ABCA13: variants seen among roughly 807,000 people sequenced by gnomAD.
ABCA13 encodes the protein ATP-binding cassette sub-family A member 13.
Under a neutral mutation model 478.7 loss-of-function variants are expected in ABCA13, and 476 were observed. That is an observed-to-expected ratio of 0.99 (90% CI 0.92 to 1.07). The LOEUF (loss-of-function observed/expected upper bound fraction) is 1.07. Ranked by LOEUF, ABCA13 falls within the 50% of genes least tolerant of loss-of-function variation. ABCA13 has a pLI of 0.00. For synonymous variants in ABCA13, 2,252 were observed against 2,158.9 expected (o/e 1.04, Z -1.20); for missense variants, 6,060 against 5,910.6 (o/e 1.03, Z -0.83).
In ABCA13 at chr7:48,455,140, G is replaced by C. The variant is rs759811166; in HGVS notation, c.12669G>C (p.Gly4223=). 9 of 1,574,222 alleles carry C rather than the reference G, an allele frequency of 5.7e-6. No individual in the cohort carries two copies. In the Admixed American group the frequency reaches 9.2e-5, roughly 16 times the overall value. ...GGCTCCGCCGCACGCTGCGCGCCGG[G>C]AAGAGCACCCTCGCCGACCTGCTGC... ...ARRLRRTLRA[G]KSTLADLLLP... The change falls in exon 43 of 62, where the codon GGG becomes GGC. Residue 4223 remains glycine, a synonymous_variant. Coordinates refer to ENST00000435803, the MANE Select transcript of ABCA13 (RefSeq NM_152701.5).
chr7:48,503,213 A>C (rs1254110220), intron 48 of ABCA13, among the ~76,000 whole-genome samples: 1 of 152,166 alleles, frequency 6.6e-6, no homozygotes, highest in Non-Finnish European at 1.5e-5. Context: ...CAGCCTTTCA[A>C]GTAGCTGCCA....
intron 19 of ABCA13, among the ~76,000 whole-genome samples, chr7:48,283,273 C>A (rs1045379110): frequency 6.6e-6 from 1 of 151,926 alleles, no homozygotes; most frequent in East Asian, 1.9e-4. Context: ...TACTGGGGAG[C>A]GGTATGGAGG....
chr7:48,175,882 T>TAACAACAACAAC, intron 1 of ABCA13, among the ~76,000 whole-genome samples: 1 of 151,644 alleles, frequency 6.6e-6, no homozygotes, highest in South Asian at 2.1e-4. Context: ...AAAGAATTAA[T>TAACAACAACAAC]AACAACAACA....
intron 17 of ABCA13, among the ~76,000 whole-genome samples, 197 bp downstream of exon 17, chr7:48,276,762 T>G (rs754339365): frequency 7.9e-5 from 12 of 152,208 alleles, no homozygotes; most frequent in Non-Finnish European, 1.5e-4. Flanking sequence ...TCTAGTAAAA[T>G]ATAAACCCAG....
At chr7:48,617,750 C>A (rs540895465) in intron 59 of ABCA13, among the ~76,000 whole-genome samples, 3 of 152,200 alleles carry the variant, frequency 2.0e-5, no homozygotes, top group African/African-American at 7.2e-5. Flanking sequence ...CCCTTCAGTG[C>A]AGGTCTCAGC....
intron 58 of ABCA13, among the ~76,000 whole-genome samples, chr7:48,610,273 T>C (rs1791898634): frequency 6.6e-6 from 1 of 151,552 alleles, no homozygotes; most frequent in South Asian, 2.1e-4. Context: ...CCCAGCAGAG[T>C]AGTCATTAAA....
chr7:48,432,849 G>T (rs368029362), intron 42 of ABCA13, among the ~76,000 whole-genome samples: 1 of 152,004 alleles, frequency 6.6e-6, no homozygotes, highest in Non-Finnish European at 1.5e-5. Context: ...TTGGTAAATG[G>T]ATACAATATT....
intron 15 of ABCA13, among the ~76,000 whole-genome samples, chr7:48,259,223 G>T (rs1258206466): frequency 2.0e-5 from 3 of 152,034 alleles, no homozygotes; most frequent in Non-Finnish European, 4.4e-5. Flanking sequence ...TTCTATTATT[G>T]TGTGGTTGTG....
At chr7:48,415,327 G>A (rs557056102) in intron 41 of ABCA13, among the ~76,000 whole-genome samples, 1 of 152,166 alleles carries the variant, frequency 6.6e-6, no homozygotes, top group African/African-American at 2.4e-5. Context: ...TTTTTTTGGG[G>A]GGTTATCGAG....
intron 58 of ABCA13, among the ~76,000 whole-genome samples, chr7:48,606,261 G>A (rs1791453548): frequency 6.6e-6 from 1 of 152,168 alleles, no homozygotes. Context: ...CCTTGATGGC[G>A]AGGAGTTGTG....
intron 36 of ABCA13, 101 bp from the exon 37 acceptor site, chr7:48,388,939 C>T: frequency 1.5e-6 from 2 of 1,358,826 alleles, no homozygotes; most frequent in Non-Finnish European, 2.0e-6. Flanking sequence ...CTTCACAGAG[C>T]TGGAATTCAA....
At chr7:48,400,755 G>C (rs1294007178) in intron 38 of ABCA13, among the ~76,000 whole-genome samples, 1 of 152,166 alleles carries the variant, frequency 6.6e-6, no homozygotes, top group Admixed American at 6.5e-5. Context: ...ACATTGTTTT[G>C]CTGACCCTGG....
intron 47 of ABCA13, among the ~76,000 whole-genome samples, chr7:48,487,092 C>T (rs938933915): frequency 6.6e-5 from 10 of 152,020 alleles, no homozygotes; most frequent in African/African-American, 2.2e-4. Context: ...GGGCGGATCA[C>T]CTGAGGTCAG....
rs1802040196 is a variant in ABCA13, at chr7:48,313,243, A to G, written c.9681+12A>G. ...TGGACTTTCAACAGGTGTGTGTTTC[A>G]TCTTTGTCCCTAGGGAAATATTCAA... On this transcript the variant is annotated intron_variant, in intron 25 of 61. Transcript: ENST00000435803. 3.1e-6 allele frequency: 5 copies of G among 1,599,854 alleles called. No individual in the cohort carries two copies. Among genetic ancestry groups the G allele is most frequent in the Non-Finnish European group, 4.3e-6 (5 of 1,173,242 alleles).
At position 48,301,003 on chromosome 7, in the gene ABCA13, A is replaced by T. The variant is rs74791527; in HGVS notation, c.9321+2516A>T. Among the ~76,000 whole-genome samples the T allele has an allele frequency of 5.8e-4, 88 of 152,318 alleles. 1 individual carries two copies. In the East Asian group the frequency reaches 0.013, roughly 23 times the overall value. On this transcript the variant is annotated intron_variant, in intron 23 of 61. Transcript: ENST00000435803. ...TTAGCAATGAGGCCAAAGTGTCAGG[A>T]CCCAAATAGATTGAGAGAGCAATCA... is the stretch of plus-strand genomic sequence containing the variant.
In ABCA13 at chr7:48,403,695, T is replaced by C; in HGVS notation, c.11886T>C (p.Asp3962=). Residue 3962 remains aspartate (D), a synonymous_variant, in exon 39 of 62, where the codon GAT becomes GAC. Coordinates refer to ENST00000435803, the MANE Select transcript of ABCA13 (RefSeq NM_152701.5). ...CTTCTAATTTCAGAACTCTTCAGGA[T>C]GTGGACTTAACTCAGCATCAGCACA... The part of the protein sequence containing the change: ...LHQQVNQTLQ[D]VDLTQHQHKQ... 1 of 1,613,966 alleles carries C rather than the reference T, an allele frequency of 6.2e-7. No individual in the cohort carries two copies. The highest frequency in any genetic ancestry group is 1.1e-5 in the South Asian group (1 of 91,066).
intron 3 of ABCA13, among the ~76,000 whole-genome samples, chr7:48,217,752 T>C (rs1786705426): frequency 6.6e-6 from 1 of 152,170 alleles, no homozygotes; most frequent in South Asian, 2.1e-4. Flanking sequence ...CCTGGCCCTT[T>C]GAAGGGGTGA....
At chr7:48,351,377 A>G (rs920888075) in intron 30 of ABCA13, among the ~76,000 whole-genome samples, 3 of 152,244 alleles carry the variant, frequency 2.0e-5, no homozygotes, top group Non-Finnish European at 4.4e-5. Flanking sequence ...GTAACAAAGT[A>G]TCGCAGACTA....
intron 48 of ABCA13, among the ~76,000 whole-genome samples, chr7:48,503,872 A>C (rs752940941): frequency 1.3e-5 from 2 of 152,204 alleles, no homozygotes; most frequent in African/African-American, 2.4e-5. Flanking sequence ...AGGCACCCCT[A>C]TAGTGTTTTC....
Sources: gnomAD v4.1 joint callset for allele counts (sites outside exome capture counted in the v4.1 genomes callset) on GRCh38, gnomAD v4.1.1 for gene constraint, MANE v1.5 for transcripts, NCBI Gene and HGNC (gene_info 2026-07-23, HGNC 2026-07-21) for gene names.